ADAMTS10: variants seen among roughly 807,000 people sequenced by gnomAD.
ADAMTS10 encodes the protein ADAM metallopeptidase with thrombospondin type 1 motif 10.
ADAMTS10 carries 48 observed loss-of-function variants against 135.9 expected under a neutral mutation model. That is an observed-to-expected ratio of 0.35 (90% CI 0.28 to 0.45). The LOEUF (loss-of-function observed/expected upper bound fraction) is 0.45. ADAMTS10 is among the 20% of genes least tolerant of loss of function. The probability of loss-of-function intolerance (pLI) is 1.00; values close to 1 mark genes in which losing one functional copy is unlikely to be tolerated. For synonymous variants in ADAMTS10, 621 were observed against 647.5 expected, an observed-to-expected ratio of 0.96 and a Z score of 0.62; for missense variants, 1,131 against 1,565.2, an observed-to-expected ratio of 0.72 and a Z score of 4.68.
At chr19:8,606,931 G>A (rs535991888) in intron 2 of ADAMTS10, among the ~76,000 whole-genome samples, 1 of 152,276 alleles carries the variant, frequency 6.6e-6, no homozygotes, top group African/African-American at 2.4e-5. Flanking sequence ...GGGGAGACTG[G>A]GAAGCAGAGG....
At chr19:8,609,500 C>T (rs1367839366) in intron 1 of ADAMTS10, among the ~76,000 whole-genome samples, 1 of 152,104 alleles carries the variant, frequency 6.6e-6, no homozygotes, top group African/African-American at 2.4e-5. Context: ...CCCGTGGAGG[C>T]CAAGGCCGCG....
chr19:8,589,961 C>A lies in ADAMTS10; in HGVS notation c.1828G>T (p.Glu610Ter). The change falls in exon 16 of 26, where the codon GAA (glutamate) becomes TAA (stop). Residue 610 changes from glutamate (E) to a stop codon, truncating the protein, a stop_gained. Transcript: ENST00000597188. LOFTEE classifies it high-confidence loss of function. ...DCPPGSQDFR[E>*]VQCSEFDSIP... ...CTGTCAAATTCAGAACACTGCACTT[C>A]TCTGAAGTCCTGGGAGCCAGGGGGA... 6.2e-7 allele frequency: 1 copy of A among 1,614,012 alleles called. No homozygotes were observed.
intron 2 of ADAMTS10, among the ~76,000 whole-genome samples, chr19:8,607,418 C>G (rs1054035931): frequency 6.6e-6 from 1 of 152,124 alleles, no homozygotes; most frequent in Non-Finnish European, 1.5e-5. Context: ...CAGCCCGCCC[C>G]GCAGGTCTCA....
chr19:8,589,866 A>G, intron 16 of ADAMTS10, 23 bp downstream of exon 16: 1 of 1,605,248 alleles, frequency 6.2e-7, no homozygotes, highest in Non-Finnish European at 8.5e-7. Flanking sequence ...ACGGCCCCAC[A>G]GCCTTTGGAG....
intron 12 of ADAMTS10, 73 bp downstream of exon 12, chr19:8,595,689 T>G: frequency 7.7e-6 from 10 of 1,306,132 alleles, no homozygotes; most frequent in Non-Finnish European, 1.1e-5. Flanking sequence ...GTGGGTGCCC[T>G]GGTGGAGTTC....
In ADAMTS10 at chr19:8,580,655, G is replaced by T; in HGVS notation, c.*238C>A. The T allele has an allele frequency of 2.0e-6, 1 of 487,992 alleles. No homozygotes were observed. Among genetic ancestry groups the T allele is most frequent in the Non-Finnish European group, 3.7e-6 (1 of 267,292 alleles). 30.2% of individuals were successfully genotyped at this position (487,992 alleles called of 1,614,324 possible). On this transcript the variant is annotated 3_prime_UTR_variant, in exon 26 of 26. Coordinates refer to ENST00000597188, the MANE Select transcript of ADAMTS10 (RefSeq NM_030957.4). ...GTCCCCTCCCCAGACCCACCCTGGAGGGGGGGTCTCACTATGTGAACTGGA... is the reference window on the plus strand; with the variant it reads ...GTCCCCTCCCCAGACCCACCCTGGATGGGGGGTCTCACTATGTGAACTGGA...
chr19:8,594,235 C>A (rs1302504764), intron 12 of ADAMTS10, among the ~76,000 whole-genome samples: 2 of 152,186 alleles, frequency 1.3e-5, no homozygotes, highest in African/African-American at 4.8e-5. Context: ...CAATATATTT[C>A]CCCTCTCTGG....
At position 8,586,608 on chromosome 19, in the gene ADAMTS10, C is replaced by T. The variant is rs1016150128; in HGVS notation, c.2353G>A (p.Val785Ile). The T allele has an allele frequency of 6.2e-7, 1 of 1,613,954 alleles. No homozygotes were observed. Among genetic ancestry groups the T allele is most frequent in the African/African-American group, 1.3e-5 (1 of 74,900 alleles). The change falls in exon 20 of 26, where the codon GTC becomes ATC. Residue 785 changes from valine (V) to isoleucine (I), a missense_variant. Val to Ile is a conservative substitution (Grantham distance 29). This residue lies in a region of ADAMTS10 where 745 missense variants were observed against 1,056.3 expected (regional missense o/e 0.71). Transcript: ENST00000597188. Reference sequence around the variant, plus strand: ...GGTCCCAGGGCTTCGAGGCTCTGGACCTGGTCTGGCCCCTGTCGCAGTTGA... The same window carrying T: ...GGTCCCAGGGCTTCGAGGCTCTGGATCTGGTCTGGCCCCTGTCGCAGTTGA... ...TFQLRQGPDQVQSLEALGPIN... is the reference protein window; with the variant it reads ...TFQLRQGPDQIQSLEALGPIN...
At chr19:8,609,390 C>G (rs1385884014) in intron 1 of ADAMTS10, among the ~76,000 whole-genome samples, 2 of 151,996 alleles carry the variant, frequency 1.3e-5, no homozygotes, top group African/African-American at 4.8e-5. Flanking sequence ...AACAGAGGCT[C>G]TGTCCCATCC....
Position 8,589,239 on chromosome 19 carries a change from C to T in ADAMTS10, c.2158+3G>A. On this transcript the variant is annotated splice_donor_region_variant and intron_variant, in intron 18 of 25. Transcript: ENST00000597188. ...GTGTGGGAGGGAAGCTGGAGACTCT[C>T]ACCGGCCCCAGGTGAGGCTGGGCTG... 1 of 1,612,648 alleles carries T rather than the reference C, an allele frequency of 6.2e-7. No individual in the cohort carries two copies. The highest frequency in any genetic ancestry group is 8.5e-7 in the Non-Finnish European group (1 of 1,179,972).
At chr19:8,593,053 T>C (rs1191052089) in intron 12 of ADAMTS10, 183 bp from the exon 13 acceptor site, 12 of 649,572 alleles carry the variant, frequency 1.8e-5, no homozygotes, top group African/African-American at 1.3e-4. Flanking sequence ...CTGTGACTTA[T>C]ACTCTCCCAA....
chr19:8,595,728 C>T, intron 12 of ADAMTS10, 34 bp downstream of exon 12: 1 of 1,607,816 alleles, frequency 6.2e-7, no homozygotes, highest in Non-Finnish European at 8.5e-7. Context: ...GCCCCCTCCC[C>T]TCCCAGGAAG....
At position 8,605,314 on chromosome 19, in the gene ADAMTS10, T is replaced by C. The variant is rs1168401368; in HGVS notation, c.133A>G (p.Thr45Ala). The C allele has an allele frequency of 4.3e-6, 7 of 1,610,122 alleles. No individual in the cohort carries two copies. The African/African-American group carries it at 8.0e-5, about 18-fold the overall frequency. Residue 45 changes from threonine to alanine, a missense_variant, in exon 4 of 26, where the codon ACC becomes GCC. By Grantham distance (58) the Thr-to-Ala change is moderately conservative. Around this residue, in one of 3 missense-constraint regions of ADAMTS10, gnomAD observed 306 missense variants for 344.4 expected, o/e 0.89. Transcript: ENST00000597188. The surrounding 1 kb of genome is among the most constrained non-coding windows in gnomAD (Gnocchi z 7.7). The stretch of plus-strand genomic sequence containing the variant: ...AGTGCCCCGTTGTGGTCCACGCGGG[T>C]GGGGAAGGCGATCTCATAGCTCTCC... The part of the protein sequence containing the change: ...SLESYEIAFP[T>A]RVDHNGALLA...
chr19:8,589,776 G>A (rs1193936139), intron 16 of ADAMTS10, 113 bp downstream of exon 16: 67 of 1,399,534 alleles, frequency 4.8e-5, no homozygotes, highest in South Asian at 2.5e-4. Context: ...CTGTCTCCCC[G>A]GGTGGGGACA....
At chr19:8,597,178 G>T (rs201846359) in intron 7 of ADAMTS10, 46 bp from the exon 8 acceptor site, 13 of 1,614,146 alleles carry the variant, frequency 8.1e-6, no homozygotes, top group Non-Finnish European at 9.3e-6. Flanking sequence ...CCACCCAGGG[G>T]ACGGCAGGAC....
intron 25 of ADAMTS10, chr19:8,581,471 C>G (rs2042349593): frequency 6.5e-6 from 1 of 153,326 alleles, no homozygotes; most frequent in Non-Finnish European, 1.5e-5. Flanking sequence ...AGGAGGACTG[C>G]TTGAGCCCAG....
Position 8,591,945 on chromosome 19 carries a change from C to T in ADAMTS10, c.1733+13G>A. 6.2e-7 allele frequency: 1 copy of T among 1,612,386 alleles called. No individual in the cohort carries two copies. The highest frequency in any genetic ancestry group is 8.5e-7 in the Non-Finnish European group (1 of 1,179,698). On this transcript the variant is annotated intron_variant, in intron 14 of 25. Coordinates refer to ENST00000597188, the MANE Select transcript of ADAMTS10 (RefSeq NM_030957.4). ...TCGCGCTGCCCTCCCGGGTGGGGGT[C>T]CTGAGGGCTGACCTGGGGCTGTCGC...
At chr19:8,607,402 C>G (rs781812305) in intron 2 of ADAMTS10, among the ~76,000 whole-genome samples, 2 of 152,118 alleles carry the variant, frequency 1.3e-5, no homozygotes, top group Non-Finnish European at 2.9e-5. Context: ...TTTCAAGGCT[C>G]CAAGCCAGCC....
At chr19:8,590,603 C>T (rs1484546125) in intron 15 of ADAMTS10, among the ~76,000 whole-genome samples, 9 of 151,746 alleles carry the variant, frequency 5.9e-5, no homozygotes, top group South Asian at 2.1e-4. Flanking sequence ...GGACTACAGG[C>T]GCGTGCCACC....
Sources: gnomAD v4.1 joint callset for allele counts (sites outside exome capture counted in the v4.1 genomes callset) on GRCh38, gnomAD v4.1.1 for gene constraint, gnomAD v4.1.1 regional missense constraint, Gnocchi (gnomAD v3.1) non-coding constraint, MANE v1.5 for transcripts, NCBI Gene and HGNC (gene_info 2026-07-23, HGNC 2026-07-21) for gene names.